Variants in SMURF2 observed in about 807,000 individuals in gnomAD.
SMURF2 encodes the protein SMAD specific E3 ubiquitin protein ligase 2, also known as E3 ubiquitin-protein ligase SMURF2.
In SMURF2, 48 loss-of-function variants were observed where a neutral mutation model predicts 109.6. That is an observed-to-expected ratio of 0.44 (90% CI 0.35 to 0.56). SMURF2 has a LOEUF of 0.56. Ranked by LOEUF, SMURF2 falls within the 20% of genes least tolerant of loss-of-function variation. SMURF2 has a pLI of 0.01. For synonymous variants in SMURF2, 288 were observed against 317.1 expected, an observed-to-expected ratio of 0.91 and a Z score of 0.97; for missense variants, 575 against 909.0, an observed-to-expected ratio of 0.63 and a Z score of 4.72.
intron 1 of SMURF2, among the ~76,000 whole-genome samples, chr17:64,651,040 T>C (rs1453101002): frequency 2.7e-5 from 4 of 150,872 alleles, no homozygotes; most frequent in East Asian, 2.0e-4. Flanking sequence ...AGCAAAACCC[T>C]GTCTCTACTA....
chr17:64,578,626 CAA>C, intron 8 of SMURF2, 50 bp from the exon 9 acceptor site: 1 of 1,259,278 alleles, frequency 7.9e-7, no homozygotes, highest in Non-Finnish European at 1.2e-6. Flanking sequence ...GTGTCCAGAT[CAA>C]AGACAGTTAT....
chr17:64,546,918 C>T (rs1409638393), intron 17 of SMURF2, among the ~76,000 whole-genome samples: 2 of 152,224 alleles, frequency 1.3e-5, no homozygotes, highest in East Asian at 1.9e-4. Flanking sequence ...TCAGCGCATG[C>T]GCTGTGGGCA....
intron 5 of SMURF2, among the ~76,000 whole-genome samples, chr17:64,586,750 C>CAAAAAAAAAAA (rs782490512): frequency 8.0e-4 from 22 of 27,468 alleles, no homozygotes; most frequent in African/African-American, 2.8e-3. Flanking sequence ...GACTCCGTCT[C>CAAAAAAAAAAA]AAAAAAAAAA....
intron 1 of SMURF2, among the ~76,000 whole-genome samples, chr17:64,656,453 CAT>C (rs1384695475): frequency 1.3e-5 from 2 of 152,144 alleles, no homozygotes; most frequent in Admixed American, 1.3e-4. Flanking sequence ...TTAAATGGCA[CAT>C]GCCATGAAAT....
intron 6 of SMURF2, 77 bp from the exon 7 acceptor site, chr17:64,583,621 C>G (rs1360043742): frequency 1.1e-5 from 12 of 1,050,818 alleles, no homozygotes; most frequent in Non-Finnish European, 1.8e-5. Context: ...AGTAAGACAT[C>G]TGCTGTTACA....
chr17:64,551,810 C>CGTTA, intron 15 of SMURF2, 106 bp from the exon 16 acceptor site: 1 of 1,398,062 alleles, frequency 7.2e-7, no homozygotes, highest in Non-Finnish European at 9.8e-7. Flanking sequence ...AAGCATCTAA[C>CGTTA]ATTAACGGTT....
intron 9 of SMURF2, among the ~76,000 whole-genome samples, chr17:64,572,436 G>C (rs2144622462): frequency 6.6e-6 from 1 of 152,204 alleles, no homozygotes; most frequent in Middle Eastern, 3.4e-3. Context: ...CTGAAATTAT[G>C]ATCCTGAAAA....
rs782247690 is a variant in SMURF2, at chr17:64,610,747, A to C, written c.53-4107T>G. Among the ~76,000 whole-genome samples, 77 of 152,122 alleles carry C rather than the reference A, an allele frequency of 5.1e-4. 1 individual carries two copies. Among genetic ancestry groups the C allele is most frequent in the Non-Finnish European group, 5.3e-4 (36 of 68,026 alleles). On this transcript the variant is annotated intron_variant, in intron 1 of 18. Transcript: ENST00000262435. ...TTCTGCACATGTACCCCAGAACTTA[A>C]AGTATAATTTTAAAACATTTTTAAA...
At chr17:64,642,799 T>C (rs1555692686) in intron 1 of SMURF2, among the ~76,000 whole-genome samples, 1 of 151,942 alleles carries the variant, frequency 6.6e-6, no homozygotes, top group African/African-American at 2.4e-5. Flanking sequence ...TATTTATTTA[T>C]TTATTTATTT....
chr17:64,606,564 T>C, intron 2 of SMURF2, 38 bp downstream of exon 2: 4 of 1,409,010 alleles, frequency 2.8e-6, no homozygotes, highest in East Asian at 2.4e-5. Flanking sequence ...CCCAAAGATC[T>C]ACATACAATA....
chr17:64,661,728 T>C (rs1970780177), intron 1 of SMURF2, 101 bp downstream of exon 1: 1 of 804,314 alleles, frequency 1.2e-6, no homozygotes, highest in Non-Finnish European at 1.6e-6. Flanking sequence ...GACCCCCAAC[T>C]CATCATTGAT....
At chr17:64,649,612 C>G (rs183832990) in intron 1 of SMURF2, among the ~76,000 whole-genome samples, 5 of 150,150 alleles carry the variant, frequency 3.3e-5, no homozygotes, top group African/African-American at 1.2e-4. Flanking sequence ...GAGGCTGCAA[C>G]GGGCGTATCA....
At chr17:64,641,761 A>G (rs1555692579) in intron 1 of SMURF2, among the ~76,000 whole-genome samples, 1 of 152,078 alleles carries the variant, frequency 6.6e-6, no homozygotes, top group Non-Finnish European at 1.5e-5. Flanking sequence ...AACACACAAT[A>G]GACTCTGGGC....
At chr17:64,622,609 T>C (rs565506560) in intron 1 of SMURF2, among the ~76,000 whole-genome samples, 1 of 152,180 alleles carries the variant, frequency 6.6e-6, no homozygotes, top group African/African-American at 2.4e-5. Context: ...ACGGGGTTTA[T>C]GAGTTGTTGG....
intron 1 of SMURF2, among the ~76,000 whole-genome samples, chr17:64,636,369 G>C (rs906789444): frequency 6.6e-5 from 10 of 152,108 alleles, no homozygotes; most frequent in Non-Finnish European, 1.2e-4. Flanking sequence ...TTGGGAGGCT[G>C]AGGTTGGTGG....
At chr17:64,555,793 TGAA>T in intron 14 of SMURF2, 24 bp downstream of exon 14, 1 of 1,472,074 alleles carries the variant, frequency 6.8e-7, no homozygotes, top group Non-Finnish European at 9.2e-7. Flanking sequence ...GAGTTTATAA[TGAA>T]GAGATAGAAG....
At chr17:64,563,018 G>T in intron 10 of SMURF2, 52 bp from the exon 11 acceptor site, 1 of 1,446,778 alleles carries the variant, frequency 6.9e-7, no homozygotes, top group Non-Finnish European at 9.4e-7. Context: ...TTTAAAAATT[G>T]CAATTATAGA....
intron 1 of SMURF2, among the ~76,000 whole-genome samples, chr17:64,613,743 T>TGTGTGTGTGTGTGTGTGTG (rs1970082164): frequency 1.1e-5 from 1 of 92,158 alleles, no homozygotes; most frequent in Non-Finnish European, 2.2e-5. Context: ...TGTGTGTGTG[T>TGTGTGTGTGTGTGTGTGTG]GGAGGGGGGG....
In SMURF2 at chr17:64,557,671, G is replaced by A. The variant is rs1302386854; in HGVS notation, c.1368C>T (p.Leu456=). Residue 456 remains leucine, a synonymous_variant, in exon 13 of 19, where the codon CTC becomes CTT. Transcript: ENST00000262435. ...AAATATCATCTCTTGAATACTGGAAGAGGCCATAGTATGGATTCAACATTT... is the reference window on the plus strand; with the variant it reads ...AAATATCATCTCTTGAATACTGGAAAAGGCCATAGTATGGATTCAACATTT... ...SHEMLNPYYG[L]FQYSRDDIYT... 1 of 1,612,784 alleles carries A rather than the reference G, an allele frequency of 6.2e-7. No individual in the cohort carries two copies. Among genetic ancestry groups the A allele is most frequent in the African/African-American group, 1.3e-5 (1 of 75,010 alleles).
Sources: gnomAD v4.1 joint callset for allele counts (sites outside exome capture counted in the v4.1 genomes callset) on GRCh38, gnomAD v4.1.1 for gene constraint, MANE v1.5 for transcripts, NCBI Gene and HGNC (gene_info 2026-07-23, HGNC 2026-07-21) for gene names.